Variants in RYR2 observed in about 807,000 individuals in gnomAD.
RYR2 encodes the protein ryanodine receptor 2, also known as cardiac muscle ryanodine receptor-calcium release channel.
A neutral mutation model predicts 601.1 loss-of-function variants in RYR2; 227 were observed. The ratio of observed to expected loss-of-function variants is 0.38; its 90% CI spans 0.34 to 0.42. The LOEUF is 0.42. Among genes scored for constraint, RYR2 ranks in the 10% least tolerant of loss-of-function variants. The probability of loss-of-function intolerance (pLI) is 1.00; values close to 1 mark genes in which losing one functional copy is unlikely to be tolerated. For missense variants in RYR2, 4,646 were observed against 6,156.5 expected (o/e 0.75, Z 8.21); for synonymous variants, 2,223 against 2,175.1 (o/e 1.02, Z -0.61).
At position 237,230,918 on chromosome 1, in the gene RYR2, G is replaced by A. The variant is rs1385013283; in HGVS notation, c.49-39579G>A. ...CATTCCAGCCTGGGTGATAGAGAGA[G>A]ACTCGTCTCAAAAAAAAAAAAAAGG... On this transcript the variant is annotated intron_variant, in intron 1 of 104. Transcript: ENST00000366574. 7.5e-5 allele frequency among the ~76,000 whole-genome samples: 4 copies of A among 53,336 alleles called. No homozygotes were observed. The East Asian group carries it at 2.3e-3, about 31-fold the overall frequency. 35.0% of individuals were successfully genotyped at this position (53,336 alleles called of 152,430 possible). A position where few individuals can be genotyped will look rare whatever the true frequency, so the allele number is the denominator to read the frequency against.
chr1:237,513,664 C>T (rs569872369), intron 24 of RYR2, among the ~76,000 whole-genome samples: 1 of 152,322 alleles, frequency 6.6e-6, no homozygotes, highest in Non-Finnish European at 1.5e-5. Flanking sequence ...TACCCAAATA[C>T]TTACCATTGT....
At chr1:237,516,482 G>GGTA (rs1666561257) in intron 24 of RYR2, among the ~76,000 whole-genome samples, 1 of 152,100 alleles carries the variant, frequency 6.6e-6, no homozygotes, top group Admixed American at 6.5e-5. Context: ...TCTTCTCAGT[G>GGTA]TGCAAGCTCT....
chr1:237,152,003 T>C (rs1572026162), intron 1 of RYR2, among the ~76,000 whole-genome samples: 1 of 152,020 alleles, frequency 6.6e-6, no homozygotes, highest in Non-Finnish European at 1.5e-5. Flanking sequence ...ATGCTCTCTC[T>C]CCTCTAGCCC....
At chr1:237,253,565 C>G (rs1687678102) in intron 1 of RYR2, among the ~76,000 whole-genome samples, 1 of 152,230 alleles carries the variant, frequency 6.6e-6, no homozygotes, top group Admixed American at 6.5e-5. Flanking sequence ...GCTTCATGTG[C>G]AAGCTAACCT....
At chr1:237,240,699 A>C (rs557611576) in intron 1 of RYR2, among the ~76,000 whole-genome samples, 1 of 130,328 alleles carries the variant, frequency 7.7e-6, no homozygotes, top group Non-Finnish European at 1.6e-5. Flanking sequence ...ACAGTGGGTC[A>C]GACATACCAT....
intron 17 of RYR2, among the ~76,000 whole-genome samples, chr1:237,470,878 T>C (rs1660642724): frequency 6.8e-6 from 1 of 146,640 alleles, no homozygotes. Context: ...GAGGAAGAGA[T>C]AGGGGCAGAG....
At chr1:237,117,021 A>G (rs998326585) in intron 1 of RYR2, among the ~76,000 whole-genome samples, 4 of 152,230 alleles carry the variant, frequency 2.6e-5, no homozygotes, top group African/African-American at 9.6e-5. Context: ...TCACACTGAC[A>G]GTAGAGGTGT....
chr1:237,098,560 A>AATGTG (rs1291697083), intron 1 of RYR2, among the ~76,000 whole-genome samples: 1 of 152,228 alleles, frequency 6.6e-6, no homozygotes, highest in African/African-American at 2.4e-5. Context: ...GGATAAAGAA[A>AATGTG]ATGTGGTATA....
intron 6 of RYR2, 35 bp downstream of exon 6, chr1:237,369,643 A>C: frequency 6.6e-7 from 1 of 1,521,142 alleles, no homozygotes; most frequent in Non-Finnish European, 8.9e-7. Context: ...CCCTGTGGTC[A>C]TGCTGATCCA....
At chr1:237,540,139 T>C (rs1669096711) in intron 25 of RYR2, among the ~76,000 whole-genome samples, 1 of 152,088 alleles carries the variant, frequency 6.6e-6, no homozygotes, top group South Asian at 2.1e-4. Context: ...AGCTAAACTC[T>C]TGACACACTG....
intron 3 of RYR2, among the ~76,000 whole-genome samples, chr1:237,353,398 A>C (rs187011685): frequency 6.6e-6 from 1 of 151,784 alleles, no homozygotes; most frequent in African/African-American, 2.4e-5. Context: ...AATCCCAGCT[A>C]TCCAGGAAAC....
At position 237,590,722 on chromosome 1, in the gene RYR2, C is replaced by T. The variant is rs746350036; in HGVS notation, c.3890C>T (p.Thr1297Ile). 6.8e-6 allele frequency: 11 copies of T among 1,611,192 alleles called. No individual in the cohort carries two copies. The highest frequency in any genetic ancestry group is 4.4e-5 in the South Asian group (4 of 90,800). ...QKSFGSQNSN[T>I]DIMFYRLSMP... is the part of the protein sequence containing the mutation. The stretch of plus-strand genomic sequence containing the variant: ...TCTTTTGGTTCTCAGAACAGCAACA[C>T]TGATATCATGTTTTATCGCCTGAGC... The change falls in exon 31 of 105, where the codon ACT becomes ATT. Residue 1297 changes from threonine (T) to isoleucine (I), a missense_variant. Coordinates refer to ENST00000366574, the MANE Select transcript of RYR2 (RefSeq NM_001035.3).
At chr1:237,752,958 C>T (rs1331424723) in intron 80 of RYR2, among the ~76,000 whole-genome samples, 1 of 152,242 alleles carries the variant, frequency 6.6e-6, no homozygotes, top group South Asian at 2.1e-4. Flanking sequence ...ACCTTTTCTA[C>T]ACTTGTTGAA....
At chr1:237,721,783 G>A (rs954700308) in intron 73 of RYR2, among the ~76,000 whole-genome samples, 1 of 152,150 alleles carries the variant, frequency 6.6e-6, no homozygotes, top group Non-Finnish European at 1.5e-5. Flanking sequence ...GCCTCCCAAA[G>A]TGCTGGGATT....
At chr1:237,065,069 C>T (rs965057408) in intron 1 of RYR2, among the ~76,000 whole-genome samples, 1 of 151,966 alleles carries the variant, frequency 6.6e-6, no homozygotes, top group Non-Finnish European at 1.5e-5. Context: ...GATAGAGTCA[C>T]AGAAAGCTGA....
In RYR2 at chr1:237,469,258, C is replaced by CAA. The variant is rs66912945; in HGVS notation, c.1708+91_1708+92dup. ...TTTCTTTGCTTCGTATCCTTTAAGA[C>CAA]AAAAAAAAAAAAAAAAAAAAACAAC... On this transcript the variant is annotated intron_variant, in intron 17 of 104. Transcript: ENST00000366574. 0.017 allele frequency: 1,927 copies of CAA among 112,104 alleles called. 52 individuals carry two copies. The highest frequency in any genetic ancestry group is 0.044 in the African/African-American group (948 of 21,504). The allele number at this position is 112,104 out of a possible 1,614,324, so 6.9% of individuals were successfully genotyped here.
intron 80 of RYR2, among the ~76,000 whole-genome samples, chr1:237,752,155 G>A (rs764884926): frequency 1.3e-5 from 2 of 152,044 alleles, no homozygotes; most frequent in Admixed American, 6.6e-5. Flanking sequence ...AAGAAAGCCC[G>A]CTCTCTTCAT....
rs1279105976 is a variant in RYR2 at position 237,374,843 on chromosome 1, G to A, written c.463+48G>A. On this transcript the variant is annotated intron_variant, in intron 7 of 104. Coordinates refer to ENST00000366574, the MANE Select transcript of RYR2 (RefSeq NM_001035.3). ...AGCCAGGTTCAGAGAGAACCCTGCA[G>A]GGGTTGGATTGGAAGAAGCCGGGAA... The A allele has an allele frequency of 8.9e-6, 13 of 1,463,460 alleles. No homozygotes were observed. In the South Asian group the frequency reaches 1.5e-4, roughly 17 times the overall value. 90.7% of individuals were successfully genotyped at this position (1,463,460 alleles called of 1,614,324 possible).
At chr1:237,537,179 A>T (rs563570252) in intron 25 of RYR2, among the ~76,000 whole-genome samples, 1 of 152,350 alleles carries the variant, frequency 6.6e-6, no homozygotes, top group East Asian at 1.9e-4. Flanking sequence ...TCTTTTCCAG[A>T]AATAAACTTT....
Sources: allele counts gnomAD v4.1 joint callset (sites outside exome capture counted in the v4.1 genomes callset), GRCh38; gene constraint gnomAD v4.1.1; transcripts MANE v1.5; gene names NCBI Gene and HGNC (gene_info 2026-07-23, HGNC 2026-07-21).